The following AMHR2 variants were observed in gnomAD, a reference collection of about 807,000 sequenced individuals.
The protein encoded by AMHR2 is anti-Mullerian hormone receptor type 2.
In AMHR2, 36 loss-of-function variants were observed where a neutral mutation model predicts 61.4. That is an observed-to-expected ratio of 0.59 (90% CI 0.45 to 0.77). The LOEUF is 0.77. Among genes scored for constraint, AMHR2 ranks in the 30% least tolerant of loss-of-function variants. AMHR2 has a pLI of 0.00. For synonymous variants in AMHR2, 258 were observed against 279.4 expected (o/e 0.92, Z 0.76); for missense variants, 638 against 714.6 (o/e 0.89, Z 1.22).
intron 6 of AMHR2, among the ~76,000 whole-genome samples, chr12:53,426,982 CAAAAA>C (rs929522833): frequency 7.0e-5 from 5 of 71,806 alleles, no homozygotes; most frequent in Non-Finnish European, 1.1e-4. Context: ...CGTGCCCAGC[CAAAAA>C]AAAAAAAAAA....
In AMHR2 at chr12:53,427,694, C is replaced by T. The variant is rs1442405279; in HGVS notation, c.853-1202C>T. On this transcript the variant is annotated intron_variant, in intron 6 of 10. Coordinates refer to ENST00000257863, the MANE Select transcript of AMHR2 (RefSeq NM_020547.3). ...CTGGAATTACAGGCGTGAGCCACCC[C>T]GCCCGGCCATGCTACACGCTTTAAA... is the stretch of plus-strand genomic sequence containing the variant. Among the ~76,000 whole-genome samples the T allele has an allele frequency of 5.3e-5, 8 of 152,200 alleles. No homozygotes were observed. In the South Asian group the frequency reaches 8.3e-4, roughly 16 times the overall value.
At chr12:53,426,627 A>C (rs1939618848) in intron 6 of AMHR2, among the ~76,000 whole-genome samples, 1 of 152,006 alleles carries the variant, frequency 6.6e-6, no homozygotes, top group Non-Finnish European at 1.5e-5. Flanking sequence ...CCTGTCTCAA[A>C]ATAATAATTT....
intron 6 of AMHR2, among the ~76,000 whole-genome samples, chr12:53,427,006 TAAAG>T: frequency 6.6e-6 from 1 of 150,722 alleles, no homozygotes; most frequent in South Asian, 2.1e-4. Context: ...AAAAAATTGT[TAAAG>T]AAATATCTTC....
chr12:53,429,105 A>T (rs540744737), intron 7 of AMHR2, 95 bp downstream of exon 7: 14 of 1,223,770 alleles, frequency 1.1e-5, no homozygotes, highest in African/African-American at 4.5e-5. Context: ...CAAAAGAGGG[A>T]GGAAGAGCCG....
At position 53,425,683 on chromosome 12, in the gene AMHR2, C is replaced by T. The variant is rs2071558; in HGVS notation, c.622-6C>T. 279,280 of 1,613,642 alleles carry T rather than the reference C, an allele frequency of 0.17. 24,721 individuals are homozygous for T. Among genetic ancestry groups the T allele is most frequent in the Admixed American group, 0.2 (12,072 of 59,924 alleles). ...AGGCCCACACTCAGCACAGTGTCCC[C>T]AGCAGGTAATCCGGGAAGGAGGTCA... On this transcript the variant is annotated splice_region_variant and splice_polypyrimidine_tract_variant and intron_variant, in intron 5 of 10. Transcript: ENST00000257863.
intron 10 of AMHR2, 106 bp downstream of exon 10, chr12:53,430,388 C>T: frequency 6.4e-7 from 1 of 1,557,268 alleles, no homozygotes; most frequent in African/African-American, 1.4e-5. Flanking sequence ...CTCCACTTAT[C>T]TCCCATCACT....
At position 53,431,278 on chromosome 12, in the gene AMHR2, C is replaced by T. The variant is rs766663571; in HGVS notation, c.1527C>T (p.Ala509=). The T allele has an allele frequency of 4.3e-6, 7 of 1,614,220 alleles. No homozygotes were observed. In the South Asian group the frequency reaches 6.6e-5, roughly 15 times the overall value. Residue 509 remains alanine (A), a synonymous_variant, in exon 11 of 11, where the codon GCC becomes GCT. Coordinates refer to ENST00000257863, the MANE Select transcript of AMHR2 (RefSeq NM_020547.3). ...TACAGCAGCGCCTGGCTGCCTTGGC[C>T]CATCCTCAAGAGAGCCACCCCTTTC... is the stretch of plus-strand genomic sequence containing the variant. The part of the protein sequence containing the change: ...ECVQQRLAAL[A]HPQESHPFPE...
intron 6 of AMHR2, 23 bp from the exon 7 acceptor site, chr12:53,428,873 C>G: frequency 1.3e-6 from 2 of 1,528,012 alleles, no homozygotes; most frequent in Non-Finnish European, 8.9e-7. Flanking sequence ...GTGTACCATC[C>G]TTTTCTCTCT....
chr12:53,424,488 T>C lies in AMHR2; in HGVS notation c.232+18T>C, dbSNP rs978844595. 3 of 1,608,846 alleles carry C rather than the reference T, an allele frequency of 1.9e-6. No homozygotes were observed. In the African/African-American group the frequency reaches 4.0e-5, roughly 22 times the overall value. On this transcript the variant is annotated intron_variant, in intron 2 of 10. Coordinates refer to ENST00000257863, the MANE Select transcript of AMHR2 (RefSeq NM_020547.3). ...AATGCAAGGTGAATGGCAAAGTATA[T>C]GGCAGGTGATGGCTAGGGTGGGAGA... is the stretch of plus-strand genomic sequence containing the variant.
Position 53,429,938 on chromosome 12 carries a change from C to A in AMHR2, c.1248C>A (p.Leu416=). The change falls in exon 9 of 11, where the codon CTC becomes CTA. Residue 416 remains leucine (L), a synonymous_variant. Transcript: ENST00000257863. ...RRADIYSLAL[L]LWEILSRCPD... ...CTGATATTTACTCTTTGGCTCTGCTCCTGTGGGAGATACTGAGCCGCTGCC... is the reference window on the plus strand; with the variant it reads ...CTGATATTTACTCTTTGGCTCTGCTACTGTGGGAGATACTGAGCCGCTGCC... The A allele has an allele frequency of 6.2e-7, 1 of 1,614,214 alleles. No homozygotes were observed. The highest frequency in any genetic ancestry group is 1.1e-5 in the South Asian group (1 of 91,086).
At chr12:53,428,816 G>C in intron 6 of AMHR2, 80 bp from the exon 7 acceptor site, 1 of 1,011,224 alleles carries the variant, frequency 9.9e-7, no homozygotes, top group Non-Finnish European at 1.5e-6. Context: ...GGAGAAGACT[G>C]TCAATTGATC....
chr12:53,424,486 T>C lies in AMHR2; in HGVS notation c.232+16T>C, dbSNP rs2136941078. ...GAAATGCAAGGTGAATGGCAAAGTA[T>C]ATGGCAGGTGATGGCTAGGGTGGGA... On this transcript the variant is annotated intron_variant, in intron 2 of 10. Coordinates refer to ENST00000257863, the MANE Select transcript of AMHR2 (RefSeq NM_020547.3). 1.2e-6 allele frequency: 2 copies of C among 1,610,594 alleles called. No homozygotes were observed. The highest frequency in any genetic ancestry group is 1.7e-6 in the Non-Finnish European group (2 of 1,178,530).
intron 9 of AMHR2, 35 bp downstream of exon 9, chr12:53,430,013 T>A (rs766744243): frequency 1.2e-6 from 2 of 1,613,706 alleles, no homozygotes; most frequent in South Asian, 2.2e-5. Context: ...TCTCCTGGGC[T>A]CCCCCCCGCC....
Position 53,431,527 on chromosome 12 carries a change from A to G in AMHR2, c.*54A>G, listed in dbSNP as rs1393433816. 4 of 1,609,032 alleles carry G rather than the reference A, an allele frequency of 2.5e-6. No homozygotes were observed. Among genetic ancestry groups the G allele is most frequent in the East Asian group, 2.2e-5 (1 of 44,884 alleles). ...ATGCCAACATAAATATGGCGATTGT[A>G]TAGCTGTCTTGTCTGCCTCATCACT... On this transcript the variant is annotated 3_prime_UTR_variant, in exon 11 of 11. Transcript: ENST00000257863.
chr12:53,425,668 T>A (rs763262910), intron 5 of AMHR2, 21 bp from the exon 6 acceptor site: 1 of 1,613,762 alleles, frequency 6.2e-7, no homozygotes, highest in East Asian at 2.2e-5. Context: ...AGGCCCACAC[T>A]CAGCACAGTG....
chr12:53,431,536 T>C lies in AMHR2; in HGVS notation c.*63T>C, dbSNP rs191874275. The C allele has an allele frequency of 1.3e-3, 2,014 of 1,602,920 alleles. 3 individuals are homozygous for C. Among genetic ancestry groups the C allele is most frequent in the Non-Finnish European group, 1.3e-3 (1,478 of 1,171,106 alleles). On this transcript the variant is annotated 3_prime_UTR_variant, in exon 11 of 11. Transcript: ENST00000257863. The stretch of plus-strand genomic sequence containing the variant: ...TAAATATGGCGATTGTATAGCTGTC[T>C]TGTCTGCCTCATCACTGCATTTCCC...
chr12:53,431,060 GA>G, intron 10 of AMHR2, 116 bp from the exon 11 acceptor site: 1 of 1,306,272 alleles, frequency 7.7e-7, no homozygotes, highest in Non-Finnish European at 1.1e-6. Context: ...GAGGCTCCAG[GA>G]AAGATCAGAA....
chr12:53,431,644 A>G lies in AMHR2; in HGVS notation c.*171A>G. ...TGACTTGGGGTAGGTGTGCACAGGA[A>G]AGAGAATAAAGTCAGCTTTCCTGAT... On this transcript the variant is annotated 3_prime_UTR_variant, in exon 11 of 11. Transcript: ENST00000257863. The G allele has an allele frequency of 1.3e-6, 1 of 790,960 alleles. No individual in the cohort carries two copies. Among genetic ancestry groups the G allele is most frequent in the Non-Finnish European group, 2.1e-6 (1 of 478,064 alleles). The allele number at this position is 790,960 out of a possible 1,614,324, so 49.0% of individuals were successfully genotyped here.
rs114082777 is a variant in AMHR2 at position 53,425,898 on chromosome 12, G to A, written c.831G>A (p.Leu277=). ...GCCGCCTGCTCTCTGGGCCCCTGCT[G>A]GTACTGGAACTGCATCCCAAGGTGA... ...GPGRLLSGPL[L]VLELHPKGSL... The change falls in exon 6 of 11, where the codon CTG becomes CTA. Residue 277 remains leucine, a synonymous_variant. Coordinates refer to ENST00000257863, the MANE Select transcript of AMHR2 (RefSeq NM_020547.3). The A allele has an allele frequency of 6.2e-6, 10 of 1,614,024 alleles. 1 individual carries two copies. The South Asian group carries it at 9.9e-5, about 16-fold the overall frequency.
Sources: gnomAD v4.1 joint callset for allele counts (sites outside exome capture counted in the v4.1 genomes callset) on GRCh38, gnomAD v4.1.1 for gene constraint, MANE v1.5 for transcripts, NCBI Gene and HGNC (gene_info 2026-07-23, HGNC 2026-07-21) for gene names.